The following HMGN5 variants were observed in gnomAD, a reference collection of about 807,000 sequenced individuals.
HMGN5 encodes the protein high mobility group nucleosome-binding domain-containing protein 5.
A neutral mutation model predicts 9.5 loss-of-function variants in HMGN5; 4 were observed. That is an observed-to-expected ratio of 0.42 (90% CI 0.21 to 0.96). HMGN5 has a LOEUF of 0.96. Among genes scored for constraint, HMGN5 ranks in the 40% least tolerant of loss-of-function variants. The probability of loss-of-function intolerance (pLI) is 0.30; values close to 1 mark genes in which losing one functional copy is unlikely to be tolerated. For synonymous variants in HMGN5, 55 were observed against 57.1 expected (o/e 0.96, Z 0.16); for missense variants, 192 against 187.5 (o/e 1.02, Z -0.14).
At chrX:81,176,086 C>G (rs1315396797) in intron 1 of HMGN5, among the ~76,000 whole-genome samples, 1 of 111,481 alleles carries the variant, frequency 9.0e-6, no homozygotes, top group Non-Finnish European at 1.9e-5. Context: ...GAGGAAGGAT[C>G]AGCCAGCAAT....
Position 81,121,614 on chromosome X carries a change from C to T in HMGN5, c.-65G>A. Reference sequence around the variant, plus strand: ...AAAGCCGAAGGCAGTCACTGCCTGACTGCTCCAAGAGCAAATGAGTTTTCA... The same window carrying T: ...AAAGCCGAAGGCAGTCACTGCCTGATTGCTCCAAGAGCAAATGAGTTTTCA... On this transcript the variant is annotated 5_prime_UTR_variant, in exon 2 of 7. Transcript: ENST00000358130. The T allele has an allele frequency of 2.3e-6, 2 of 878,641 alleles. No homozygotes were observed. The highest frequency in any genetic ancestry group is 3.2e-6 in the Non-Finnish European group (2 of 622,311). 72.4% of individuals were successfully genotyped at this position (878,641 alleles called of 1,213,427 possible).
At chrX:81,144,920 T>C (rs1016639875) in intron 1 of HMGN5, among the ~76,000 whole-genome samples, 2 of 110,543 alleles carry the variant, frequency 1.8e-5, no homozygotes, top group Non-Finnish European at 3.8e-5. Context: ...ATCAACTCAA[T>C]GAAATAAAGC....
chrX:81,149,691 C>T lies in HMGN5; in HGVS notation c.-123-28019G>A, dbSNP rs138891372. ...AATTCACCTATGAAGACACACATAG[C>T]GTGAACATAAAGGGATGGAAATATA... On this transcript the variant is annotated intron_variant, in intron 1 of 6. Coordinates refer to ENST00000358130, the MANE Select transcript of HMGN5 (RefSeq NM_030763.3). Among the ~76,000 whole-genome samples, 470 of 111,655 alleles carry T rather than the reference C, an allele frequency of 4.2e-3. 4 individuals are homozygous for T. The highest frequency in any genetic ancestry group is 0.015 in the African/African-American group (447 of 30,680).
chrX:81,153,636 T>TAC lies in HMGN5; in HGVS notation c.-123-31965_-123-31964insGT, dbSNP rs2075374839. Among the ~76,000 whole-genome samples the TAC allele has an allele frequency of 1.3e-4, 7 of 52,442 alleles. 2 individuals are homozygous for TAC. Among genetic ancestry groups the TAC allele is most frequent in the African/African-American group, 5.4e-4 (7 of 12,909 alleles). The allele number at this position is 52,442 out of a possible 115,157, so 45.5% of individuals were successfully genotyped here. ...ATATATATATATATATATATATATA[T>TAC]ATATGTATCTCCTTGTTTATATTTG... is the stretch of plus-strand genomic sequence containing the variant. On this transcript the variant is annotated intron_variant, in intron 1 of 6. Transcript: ENST00000358130.
intron 1 of HMGN5, among the ~76,000 whole-genome samples, chrX:81,129,810 T>A (rs1032239928): frequency 9.0e-6 from 1 of 110,952 alleles, no homozygotes; most frequent in African/African-American, 3.3e-5. Context: ...GCTAGAGCAG[T>A]TAAACAACTC....
chrX:81,181,353 C>T (rs184404549), intron 1 of HMGN5, among the ~76,000 whole-genome samples: 1,468 of 109,959 alleles, frequency 0.013, 20 homozygotes, highest in African/African-American at 0.044. Flanking sequence ...ATATATTTAT[C>T]GGTTACGTGA....
At chrX:81,169,798 T>C (rs1415093592) in intron 1 of HMGN5, among the ~76,000 whole-genome samples, 2 of 111,337 alleles carry the variant, frequency 1.8e-5, no homozygotes, top group Non-Finnish European at 3.8e-5. Context: ...CTCATGCCAG[T>C]AATCCCAACA....
At chrX:81,127,861 A>C (rs1305332699) in intron 1 of HMGN5, among the ~76,000 whole-genome samples, 1 of 111,738 alleles carries the variant, frequency 8.9e-6, no homozygotes, top group Non-Finnish European at 1.9e-5. Flanking sequence ...TGCTAACATT[A>C]ACTGTATAGT....
intron 1 of HMGN5, among the ~76,000 whole-genome samples, chrX:81,128,184 A>T (rs1044850363): frequency 9.0e-6 from 1 of 110,682 alleles, no homozygotes; most frequent in African/African-American, 3.3e-5. Flanking sequence ...GTCTATGCTC[A>T]CTTCCTTTGT....
At chrX:81,176,552 G>A (rs970655807) in intron 1 of HMGN5, among the ~76,000 whole-genome samples, 16 of 111,274 alleles carry the variant, frequency 1.4e-4, no homozygotes, top group African/African-American at 4.9e-4. Context: ...AAGGTTAGAC[G>A]AATGGCTAAC....
At chrX:81,150,585 A>G (rs2075358513) in intron 1 of HMGN5, among the ~76,000 whole-genome samples, 3 of 112,058 alleles carry the variant, frequency 2.7e-5, no homozygotes, top group African/African-American at 9.7e-5. Context: ...AAACAAAACA[A>G]TAACAAAAAC....
chrX:81,176,496 G>T (rs1272391019), intron 1 of HMGN5, among the ~76,000 whole-genome samples: 1 of 111,080 alleles, frequency 9.0e-6, no homozygotes, highest in Non-Finnish European at 1.9e-5. Flanking sequence ...CCGAACTAAA[G>T]GAGCATGTTT....
chrX:81,116,440 G>T, intron 5 of HMGN5, 99 bp from the exon 6 acceptor site: 1 of 542,328 alleles, frequency 1.8e-6, no homozygotes, highest in Non-Finnish European at 2.8e-6. Context: ...AATAATTTAT[G>T]CAAACTCTTT....
chrX:81,140,977 G>T (rs1008308798), intron 1 of HMGN5, among the ~76,000 whole-genome samples: 4 of 111,182 alleles, frequency 3.6e-5, no homozygotes, highest in Non-Finnish European at 7.5e-5. Flanking sequence ...ATCACAAGCT[G>T]ACTGAAGAGC....
chrX:81,115,346 G>T lies in HMGN5; in HGVS notation c.268-116C>A, dbSNP rs755632502. On this transcript the variant is annotated intron_variant, in intron 6 of 6. Transcript: ENST00000358130. Reference sequence around the variant, plus strand: ...CAGAAAGACTAATACTTCATTTAAAGAAAGTAATTTTCCTGTGAAAGAAGC... The same window carrying T: ...CAGAAAGACTAATACTTCATTTAAATAAAGTAATTTTCCTGTGAAAGAAGC... 4 of 837,349 alleles carry T rather than the reference G, an allele frequency of 4.8e-6. No individual in the cohort carries two copies. The African/African-American group carries it at 6.4e-5, about 13-fold the overall frequency. 69.0% of individuals were successfully genotyped at this position (837,349 alleles called of 1,213,427 possible).
Position 81,176,353 on chromosome X carries a change from C to T in HMGN5, c.-124+25384G>A, listed in dbSNP as rs991068435. 2.7e-5 allele frequency among the ~76,000 whole-genome samples: 3 copies of T among 111,593 alleles called. No homozygotes were observed. In the Admixed American group the frequency reaches 2.9e-4, roughly 11 times the overall value. On this transcript the variant is annotated intron_variant, in intron 1 of 6. Transcript: ENST00000358130. ...AACCAGAGCAGAAAAGTTGAAAATT[C>T]TAAAAATCAGAGGAGCACCTCCTCT...
At chrX:81,143,709 G>T (rs777683131) in intron 1 of HMGN5, among the ~76,000 whole-genome samples, 1 of 112,488 alleles carries the variant, frequency 8.9e-6, no homozygotes, top group Non-Finnish European at 1.9e-5. Flanking sequence ...TGCCTGGCTT[G>T]GTGGGTCCCA....
intron 1 of HMGN5, among the ~76,000 whole-genome samples, chrX:81,144,062 G>A (rs188522745): frequency 1.8e-5 from 2 of 111,740 alleles, no homozygotes; most frequent in Admixed American, 9.5e-5. Flanking sequence ...AGGAACAGCT[G>A]TGGGCACAGC....
chrX:81,174,883 C>A (rs960490850), intron 1 of HMGN5, among the ~76,000 whole-genome samples: 1 of 111,127 alleles, frequency 9.0e-6, no homozygotes, highest in South Asian at 3.8e-4. Flanking sequence ...TATATGACTC[C>A]ATTCCAAAAA....
Sources: gnomAD v4.1 joint callset for allele counts (sites outside exome capture counted in the v4.1 genomes callset) on GRCh38, gnomAD v4.1.1 for gene constraint, MANE v1.5 for transcripts, NCBI Gene and HGNC (gene_info 2026-07-23, HGNC 2026-07-21) for gene names.